TRAM1: variants seen among roughly 807,000 people sequenced by gnomAD.
The protein encoded by TRAM1 is translocation associated membrane protein 1, also known as translocating chain-associated membrane protein 1.
Under a neutral mutation model 48.7 loss-of-function variants are expected in TRAM1, and 17 were observed. That is an observed-to-expected ratio of 0.35 (90% confidence interval 0.24 to 0.52). TRAM1 has a LOEUF of 0.52. Ranked by LOEUF, TRAM1 falls within the 20% of genes least tolerant of loss-of-function variation. TRAM1 has a pLI of 0.94. For synonymous variants in TRAM1, 182 were observed against 154.0 expected (o/e 1.18, Z -1.34); for missense variants, 351 against 441.5 (o/e 0.79, Z 1.84).
At chr8:70,595,323 G>C (rs1200263423) in intron 5 of TRAM1, among the ~76,000 whole-genome samples, 1 of 149,258 alleles carries the variant, frequency 6.7e-6, no homozygotes, top group East Asian at 2.0e-4. Flanking sequence ...GGGGTGGAGA[G>C]AATACAGTCC....
intron 1 of TRAM1, among the ~76,000 whole-genome samples, chr8:70,600,542 A>G (rs772132309): frequency 5.6e-4 from 86 of 152,226 alleles, no homozygotes; most frequent in Non-Finnish European, 1.1e-3. Flanking sequence ...TAAGTGGTCA[A>G]TAACTGTTTA....
intron 2 of TRAM1, among the ~76,000 whole-genome samples, 189 bp from the exon 3 acceptor site, chr8:70,598,444 A>G (rs903739682): frequency 6.6e-6 from 1 of 152,218 alleles, no homozygotes; most frequent in Non-Finnish European, 1.5e-5. Context: ...CTATCTAGAA[A>G]TCTAAAGCTT....
intron 10 of TRAM1, among the ~76,000 whole-genome samples, chr8:70,575,666 A>AT (rs1302208851): frequency 6.6e-6 from 1 of 152,186 alleles, no homozygotes; most frequent in Non-Finnish European, 1.5e-5. Flanking sequence ...CAAAAGTTGC[A>AT]TACAGAAATG....
At position 70,574,132 on chromosome 8, in the gene TRAM1, T is replaced by A. The variant is rs1816888091; in HGVS notation, c.*800A>T. 3.1e-6 allele frequency: 1 copy of A among 325,830 alleles called. No individual in the cohort carries two copies. The highest frequency in any genetic ancestry group is 5.3e-5 in the Admixed American group (1 of 18,892). The allele number at this position is 325,830 out of a possible 1,614,324, so 20.2% of individuals were successfully genotyped here. On this transcript the variant is annotated 3_prime_UTR_variant, in exon 11 of 11. Coordinates refer to ENST00000262213, the MANE Select transcript of TRAM1 (RefSeq NM_014294.6). ...TCTAAGATGCTGTGCATATTAAACT[T>A]ATTATGAGCCCCATTAAGAATCATT...
chr8:70,588,695 TA>T (rs932634361), intron 6 of TRAM1, among the ~76,000 whole-genome samples: 4 of 152,242 alleles, frequency 2.6e-5, no homozygotes, highest in Non-Finnish European at 5.9e-5. Context: ...AATTATGATG[TA>T]AAAAGTTTTT....
intron 10 of TRAM1, among the ~76,000 whole-genome samples, chr8:70,581,677 C>T (rs1368203689): frequency 6.6e-6 from 1 of 152,122 alleles, no homozygotes; most frequent in African/African-American, 2.4e-5. Flanking sequence ...CACAGCATCA[C>T]GATTCATAAT....
chr8:70,574,082 TA>T lies in TRAM1; in HGVS notation c.*849del. On this transcript the variant is annotated 3_prime_UTR_variant, in exon 11 of 11. Transcript: ENST00000262213. Reference sequence around the variant, plus strand: ...TATAAATCAAGTAGGCATTATGTTTTAAAAGTGTTTGCAGGTTAAACTTTTC... The same window carrying T: ...TATAAATCAAGTAGGCATTATGTTTTAAAGTGTTTGCAGGTTAAACTTTTC... The T allele has an allele frequency of 3.9e-6, 1 of 253,170 alleles. No homozygotes were observed. Among genetic ancestry groups the T allele is most frequent in the Non-Finnish European group, 7.9e-6 (1 of 126,698 alleles). 15.7% of individuals were successfully genotyped at this position (253,170 alleles called of 1,614,324 possible).
intron 8 of TRAM1, among the ~76,000 whole-genome samples, chr8:70,585,071 C>T (rs1817180858): frequency 6.6e-6 from 1 of 152,214 alleles, no homozygotes; most frequent in East Asian, 1.9e-4. Context: ...GGTACTGGTA[C>T]CAAAACAGAG....
intron 8 of TRAM1, among the ~76,000 whole-genome samples, 157 bp downstream of exon 8, chr8:70,586,738 A>G (rs1047226953): frequency 6.6e-6 from 1 of 152,204 alleles, no homozygotes; most frequent in Non-Finnish European, 1.5e-5. Flanking sequence ...AGAGAGTAAA[A>G]TACAAAGTCT....
At chr8:70,598,557 G>T (rs556558377) in intron 2 of TRAM1, among the ~76,000 whole-genome samples, 26 of 151,932 alleles carry the variant, frequency 1.7e-4, no homozygotes, top group Admixed American at 1.4e-3. Flanking sequence ...TTATCCCAGG[G>T]GTATAAATTA....
At chr8:70,597,619 G>C (rs567298271) in intron 4 of TRAM1, among the ~76,000 whole-genome samples, 2 of 122,980 alleles carry the variant, frequency 1.6e-5, no homozygotes, top group East Asian at 5.0e-4. Context: ...GCAGTGAGCC[G>C]AGATCATGCC....
Position 70,574,061 on chromosome 8 carries a change from A to C in TRAM1, c.*871T>G. 8.6e-6 allele frequency: 2 copies of C among 232,768 alleles called. No homozygotes were observed. The highest frequency in any genetic ancestry group is 8.9e-5 in the South Asian group (2 of 22,578). The allele number at this position is 232,768 out of a possible 1,614,324, so 14.4% of individuals were successfully genotyped here. On this transcript the variant is annotated 3_prime_UTR_variant, in exon 11 of 11. Coordinates refer to ENST00000262213, the MANE Select transcript of TRAM1 (RefSeq NM_014294.6). ...ACCTGTCAGTCTTTTTATAGATATA[A>C]ATCAAGTAGGCATTATGTTTTAAAA...
chr8:70,594,570 T>C lies in TRAM1; in HGVS notation c.506A>G (p.Tyr169Cys), dbSNP rs774373459. The C allele has an allele frequency of 4.4e-6, 7 of 1,597,566 alleles. No individual in the cohort carries two copies. Among genetic ancestry groups the C allele is most frequent in the Non-Finnish European group, 6.0e-6 (7 of 1,172,780 alleles). ...NLMTFQMKFF[Y>C]ISQLAYWLHA... is the part of the protein sequence containing the mutation. ...AAGCCAGTAAGCCAGCTGTGATATG[T>C]AGAAAAACTTCATTTGAAATCTGTA... The change falls in exon 6 of 11, where the codon TAC becomes TGC. Residue 169 changes from tyrosine (Y) to cysteine (C), a missense_variant. Tyr to Cys is a radical substitution (Grantham distance 194). Transcript: ENST00000262213.
intron 10 of TRAM1, among the ~76,000 whole-genome samples, chr8:70,577,402 T>G (rs1469521179): frequency 6.6e-6 from 1 of 152,144 alleles, no homozygotes; most frequent in Non-Finnish European, 1.5e-5. Flanking sequence ...CTTACAGTGT[T>G]TTCTGGGCCC....
At chr8:70,595,676 T>C (rs138742279) in intron 5 of TRAM1, among the ~76,000 whole-genome samples, 52 of 152,228 alleles carry the variant, frequency 3.4e-4, no homozygotes, top group African/African-American at 1.3e-3. Context: ...AGACACTACA[T>C]CAAATTTCTA....
Position 70,584,852 on chromosome 8 carries a change from G to T in TRAM1, c.747-1059C>A, listed in dbSNP as rs1304987948. ...TCAATATCATGAAAATGGTCATACT[G>T]CCCAAGGTAATTTATAGATTCAATG... On this transcript the variant is annotated intron_variant, in intron 8 of 10. Coordinates refer to ENST00000262213, the MANE Select transcript of TRAM1 (RefSeq NM_014294.6). 3.9e-5 allele frequency among the ~76,000 whole-genome samples: 6 copies of T among 152,048 alleles called. No individual in the cohort carries two copies. The South Asian group carries it at 1.2e-3, about 32-fold the overall frequency.
At chr8:70,579,398 CAT>C (rs1261344371) in intron 10 of TRAM1, among the ~76,000 whole-genome samples, 8 of 152,152 alleles carry the variant, frequency 5.3e-5, no homozygotes, top group African/African-American at 1.4e-4. Context: ...CATGTATACA[CAT>C]ATGTTGTACA....
chr8:70,608,173 C>T lies in TRAM1; in HGVS notation c.27G>A (p.Lys9=). 1 of 1,590,740 alleles carries T rather than the reference C, an allele frequency of 6.3e-7. No individual in the cohort carries two copies. The highest frequency in any genetic ancestry group is 8.5e-7 in the Non-Finnish European group (1 of 1,170,138). Reference sequence around the variant, plus strand: ...ATTCGTGGCTCAGCACTGGGGGGCTCTTGGTGCTTTTCTTGCGAATCGCCA... The same window carrying T: ...ATTCGTGGCTCAGCACTGGGGGGCTTTTGGTGCTTTTCTTGCGAATCGCCA... MAIRKKST[K]SPPVLSHEFV... The change falls in exon 1 of 11, where the codon AAG becomes AAA. Residue 9 remains lysine (K), a synonymous_variant. Coordinates refer to ENST00000262213, the MANE Select transcript of TRAM1 (RefSeq NM_014294.6).
chr8:70,601,902 G>A (rs1465472740), intron 1 of TRAM1, among the ~76,000 whole-genome samples: 2 of 152,158 alleles, frequency 1.3e-5, no homozygotes, highest in Non-Finnish European at 2.9e-5. Flanking sequence ...AAAGATTTGG[G>A]AGTCTCTTTC....
Sources: gnomAD v4.1 joint callset for allele counts (sites outside exome capture counted in the v4.1 genomes callset) on GRCh38, gnomAD v4.1.1 for gene constraint, MANE v1.5 for transcripts, NCBI Gene and HGNC (gene_info 2026-07-23, HGNC 2026-07-21) for gene names.